Variants in LRP1B observed in about 807,000 individuals in gnomAD.
LRP1B encodes low-density lipoprotein receptor-related protein 1B.
In LRP1B, 217 loss-of-function variants were observed where a neutral mutation model predicts 556.6. That is an observed-to-expected ratio of 0.39 (90% CI 0.35 to 0.44). The LOEUF is 0.44. Ranked by LOEUF, LRP1B falls within the 20% of genes least tolerant of loss-of-function variation. LRP1B has a pLI of 1.00. For missense variants in LRP1B, 5,053 were observed against 5,620.8 expected (o/e 0.90, Z 3.23); for synonymous variants, 2,047 against 1,865.8 (o/e 1.10, Z -2.50).
intron 41 of LRP1B, among the ~76,000 whole-genome samples, chr2:140,648,551 A>G (rs1168315222): frequency 6.6e-6 from 1 of 152,130 alleles, no homozygotes; most frequent in African/African-American, 2.4e-5. Context: ...ATTCTGTAGA[A>G]GTAATGTTTA....
chr2:141,378,275 CATTGA>C (rs1178959744), intron 3 of LRP1B, among the ~76,000 whole-genome samples: 1 of 152,046 alleles, frequency 6.6e-6, no homozygotes, highest in Non-Finnish European at 1.5e-5. Context: ...GCCTGAAGAA[CATTGA>C]ACATTTTAGA....
chr2:140,605,894 T>A (rs930322475), intron 41 of LRP1B, among the ~76,000 whole-genome samples: 2 of 152,098 alleles, frequency 1.3e-5, no homozygotes, highest in Non-Finnish European at 2.9e-5. Context: ...GCTCGTATTA[T>A]ATTTAGTGGT....
intron 21 of LRP1B, among the ~76,000 whole-genome samples, chr2:140,919,888 C>T (rs1180085776): frequency 6.6e-6 from 1 of 152,082 alleles, no homozygotes; most frequent in African/African-American, 2.4e-5. Flanking sequence ...CGTGAATACA[C>T]AACCATTTAT....
chr2:141,434,576 G>T (rs575268916), intron 3 of LRP1B, among the ~76,000 whole-genome samples: 2 of 152,148 alleles, frequency 1.3e-5, no homozygotes, highest in Non-Finnish European at 2.9e-5. Flanking sequence ...GTTTCTAAAT[G>T]TACCATTTGG....
At chr2:142,065,579 T>C (rs1361706899) in intron 1 of LRP1B, among the ~76,000 whole-genome samples, 2 of 151,434 alleles carry the variant, frequency 1.3e-5, no homozygotes, top group Non-Finnish European at 3.0e-5. Flanking sequence ...TTAGCAAACA[T>C]AATTCCATCT....
chr2:141,385,371 A>G (rs1689791734), intron 3 of LRP1B, among the ~76,000 whole-genome samples: 1 of 152,158 alleles, frequency 6.6e-6, no homozygotes, highest in Admixed American at 6.5e-5. Context: ...AGTTTTGGGC[A>G]TGGATATGAT....
At chr2:141,836,558 C>T (rs1697286660) in intron 1 of LRP1B, among the ~76,000 whole-genome samples, 1 of 151,916 alleles carries the variant, frequency 6.6e-6, no homozygotes, top group East Asian at 1.9e-4. Context: ...AATATTAAAA[C>T]TGTCACTTGA....
At chr2:141,019,336 T>C (rs933015975) in intron 12 of LRP1B, among the ~76,000 whole-genome samples, 2 of 152,070 alleles carry the variant, frequency 1.3e-5, no homozygotes, top group Non-Finnish European at 2.9e-5. Flanking sequence ...GTTTAGTGGC[T>C]AAGAGTAAAG....
At chr2:142,113,488 C>A (rs200005876) in intron 1 of LRP1B, among the ~76,000 whole-genome samples, 85 of 146,514 alleles carry the variant, frequency 5.8e-4, no homozygotes, top group Middle Eastern at 3.5e-3. Context: ...ACAGTTGCCA[C>A]AAAAAAAAAA....
chr2:141,980,621 C>A (rs529843717), intron 1 of LRP1B, among the ~76,000 whole-genome samples: 2 of 151,964 alleles, frequency 1.3e-5, no homozygotes, highest in African/African-American at 4.8e-5. Context: ...GATCACAAAC[C>A]AGATGAGAGT....
intron 5 of LRP1B, among the ~76,000 whole-genome samples, chr2:141,232,276 A>G (rs1683499639): frequency 6.6e-6 from 1 of 152,172 alleles, no homozygotes; most frequent in Non-Finnish European, 1.5e-5. Context: ...AAAATCTTAG[A>G]TGGGTGTGTT....
intron 3 of LRP1B, among the ~76,000 whole-genome samples, chr2:141,283,033 AGATGCCTAGCAT>A (rs1282308953): frequency 1.3e-5 from 2 of 152,182 alleles, no homozygotes; most frequent in Non-Finnish European, 1.5e-5. Context: ...CATCTAGTCC[AGATGCCTAGCAT>A]GGTGCCTTGC....
intron 84 of LRP1B, among the ~76,000 whole-genome samples, chr2:140,284,868 G>A (rs9711073): frequency 7.8e-6 from 1 of 129,022 alleles, no homozygotes; most frequent in Non-Finnish European, 1.6e-5. Flanking sequence ...AAATCTCTAT[G>A]TATATATCTA....
At chr2:141,701,625 T>C (rs1298009437) in intron 2 of LRP1B, among the ~76,000 whole-genome samples, 1 of 151,826 alleles carries the variant, frequency 6.6e-6, no homozygotes, top group Non-Finnish European at 1.5e-5. Context: ...GTGGGCTAAT[T>C]GAGGACATCA....
At chr2:141,435,520 G>A (rs1201050839) in intron 3 of LRP1B, among the ~76,000 whole-genome samples, 1 of 152,106 alleles carries the variant, frequency 6.6e-6, no homozygotes, top group African/African-American at 2.4e-5. Context: ...TAAAGTCAGT[G>A]TCCTCAGGTA....
intron 43 of LRP1B, among the ~76,000 whole-genome samples, chr2:140,578,261 A>T (rs1286299082): frequency 9.1e-6 from 1 of 110,478 alleles, no homozygotes; most frequent in African/African-American, 2.8e-5. Flanking sequence ...AAACACTTAC[A>T]GTTTTTTTTT....
chr2:141,043,298 G>C (rs969475407), intron 11 of LRP1B, among the ~76,000 whole-genome samples: 1 of 151,598 alleles, frequency 6.6e-6, no homozygotes, highest in East Asian at 1.9e-4. Flanking sequence ...CAGTTGGGAA[G>C]AACTGTACAT....
In LRP1B at chr2:141,849,031, T is replaced by A. The variant is rs1030913486; in HGVS notation, c.83-38630A>T. Among the ~76,000 whole-genome samples the A allele has an allele frequency of 7.9e-5, 12 of 151,624 alleles. No individual in the cohort carries two copies. In the Admixed American group the frequency reaches 7.9e-4, roughly 10 times the overall value. ...TTAAAAAGAAATAATTTGGTTTTCCTTATTTTACTCATGTTAATTTTTAAT... is the reference window on the plus strand; with the variant it reads ...TTAAAAAGAAATAATTTGGTTTTCCATATTTTACTCATGTTAATTTTTAAT... On this transcript the variant is annotated intron_variant, in intron 1 of 90. Transcript: ENST00000389484.
chr2:141,617,924 C>A (rs1040391134), intron 2 of LRP1B, among the ~76,000 whole-genome samples: 2 of 152,052 alleles, frequency 1.3e-5, no homozygotes, highest in South Asian at 4.1e-4. Context: ...AAACAAGAAC[C>A]TACAAGCTAT....
Sources: gnomAD v4.1 joint callset for allele counts (sites outside exome capture counted in the v4.1 genomes callset) on GRCh38, gnomAD v4.1.1 for gene constraint, MANE v1.5 for transcripts, NCBI Gene and HGNC (gene_info 2026-07-23, HGNC 2026-07-21) for gene names.